Variants in CTNNA3 observed in about 807,000 individuals in gnomAD.
CTNNA3 encodes catenin alpha-3.
Under a neutral mutation model 95.7 loss-of-function variants are expected in CTNNA3, and 76 were observed. That is an observed-to-expected ratio of 0.79 (90% CI 0.66 to 0.96). The LOEUF (loss-of-function observed/expected upper bound fraction) is 0.96, where lower values mean the gene tolerates loss of function less well. CTNNA3 is among the 40% of genes least tolerant of loss of function. CTNNA3 has a pLI of 0.00. For synonymous variants in CTNNA3, 431 were observed against 374.4 expected, an observed-to-expected ratio of 1.15 and a Z score of -1.74; for missense variants, 1,191 against 1,089.8, an observed-to-expected ratio of 1.09 and a Z score of -1.31.
intron 5 of CTNNA3, among the ~76,000 whole-genome samples, chr10:67,458,320 C>T (rs1384274596): frequency 6.6e-6 from 1 of 151,980 alleles, no homozygotes; most frequent in Non-Finnish European, 1.5e-5. Flanking sequence ...TGCTCTATTC[C>T]AATCACTTCA....
At chr10:66,128,585 C>T (rs2082936190) in intron 13 of CTNNA3, among the ~76,000 whole-genome samples, 1 of 152,072 alleles carries the variant, frequency 6.6e-6, no homozygotes, top group South Asian at 2.1e-4. Context: ...AACTATATGA[C>T]ATTCTGGAAG....
At chr10:66,325,546 A>G (rs1304627211) in intron 12 of CTNNA3, among the ~76,000 whole-genome samples, 2 of 152,140 alleles carry the variant, frequency 1.3e-5, no homozygotes, top group Non-Finnish European at 2.9e-5. Context: ...CACCTGGCCA[A>G]CAATGAGCTT....
intron 11 of CTNNA3, among the ~76,000 whole-genome samples, chr10:66,448,592 C>A (rs1374688899): frequency 6.6e-6 from 1 of 151,506 alleles, no homozygotes; most frequent in Non-Finnish European, 1.5e-5. Context: ...AAACCAAACA[C>A]TGCATGTTCT....
chr10:67,613,212 A>C (rs1195911326), intron 2 of CTNNA3, among the ~76,000 whole-genome samples: 1 of 152,146 alleles, frequency 6.6e-6, no homozygotes, highest in South Asian at 2.1e-4. Context: ...CCTTGTTCGT[A>C]GCTCTTGTAT....
chr10:67,392,572 C>T (rs894008592), intron 5 of CTNNA3, among the ~76,000 whole-genome samples: 7 of 152,124 alleles, frequency 4.6e-5, no homozygotes, highest in Admixed American at 6.6e-5. Flanking sequence ...ACCCAAAGGA[C>T]TATAAATCAT....
intron 5 of CTNNA3, among the ~76,000 whole-genome samples, chr10:67,386,559 A>G (rs899343743): frequency 4.6e-5 from 7 of 152,232 alleles, no homozygotes; most frequent in African/African-American, 1.7e-4. Flanking sequence ...ATCAGCAGAA[A>G]AAAAGACTGA....
At chr10:67,341,629 C>T (rs141920303) in intron 5 of CTNNA3, among the ~76,000 whole-genome samples, 330 of 152,216 alleles carry the variant, frequency 2.2e-3, no homozygotes, top group African/African-American at 5.4e-3. Context: ...CAAATTTTGT[C>T]TATTGTGAAC....
intron 9 of CTNNA3, among the ~76,000 whole-genome samples, chr10:66,739,392 C>G (rs1039198354): frequency 6.6e-6 from 1 of 152,168 alleles, no homozygotes; most frequent in South Asian, 2.1e-4. Flanking sequence ...GAATCCCTAA[C>G]TTACAGCAAT....
At chr10:66,482,635 T>A (rs1839578299) in intron 11 of CTNNA3, among the ~76,000 whole-genome samples, 1 of 152,174 alleles carries the variant, frequency 6.6e-6, no homozygotes, top group Admixed American at 6.5e-5. Context: ...ATTGCTTTTT[T>A]TTAAGTAAAT....
intron 10 of CTNNA3, among the ~76,000 whole-genome samples, chr10:66,594,050 T>C (rs1271173606): frequency 6.6e-6 from 1 of 152,106 alleles, no homozygotes; most frequent in Admixed American, 6.5e-5. Flanking sequence ...CACCTGACAC[T>C]TCCATTTGGG....
intron 7 of CTNNA3, among the ~76,000 whole-genome samples, chr10:67,016,229 A>C (rs1852650162): frequency 6.6e-6 from 1 of 152,214 alleles, no homozygotes. Flanking sequence ...CTGACCAAGT[A>C]GTACAATGGG....
chr10:67,599,440 C>G (rs984575055), intron 3 of CTNNA3, among the ~76,000 whole-genome samples: 61 of 151,982 alleles, frequency 4.0e-4, no homozygotes, highest in Non-Finnish European at 2.1e-4. Context: ...CAGTTGTAGT[C>G]AGCAAATAAA....
At chr10:67,495,155 G>A (rs1309270384) in intron 5 of CTNNA3, among the ~76,000 whole-genome samples, 1 of 152,064 alleles carries the variant, frequency 6.6e-6, no homozygotes, top group African/African-American at 2.4e-5. Context: ...ACATGATAAA[G>A]TGCTGTACCC....
rs58656674 is a variant in CTNNA3 at position 67,353,021 on chromosome 10, G to A, written c.580-133151C>T. The stretch of plus-strand genomic sequence containing the variant: ...GAAAACCTAAGTGTCACATCTTTGA[G>A]GGCCAGCACTACGTTTCCAAAATGG... On this transcript the variant is annotated intron_variant, in intron 5 of 17. Coordinates refer to ENST00000433211, the MANE Select transcript of CTNNA3 (RefSeq NM_013266.4). 8.2e-3 allele frequency among the ~76,000 whole-genome samples: 1,246 copies of A among 152,042 alleles called. 13 individuals carry two copies. The highest frequency in any genetic ancestry group is 0.029 in the African/African-American group (1,187 of 41,522).
At chr10:66,089,110 T>C (rs969466033) in intron 14 of CTNNA3, among the ~76,000 whole-genome samples, 2 of 152,054 alleles carry the variant, frequency 1.3e-5, no homozygotes, top group Admixed American at 1.3e-4. Context: ...CCTTTTCTTT[T>C]GTTTTTGGTC....
At chr10:66,217,995 G>C (rs774414635) in intron 13 of CTNNA3, among the ~76,000 whole-genome samples, 1 of 152,020 alleles carries the variant, frequency 6.6e-6, no homozygotes, top group Non-Finnish European at 1.5e-5. Context: ...AGCTTAAACT[G>C]TTTTCAGAGG....
intron 4 of CTNNA3, among the ~76,000 whole-genome samples, chr10:67,525,765 A>G (rs924126068): frequency 6.6e-6 from 1 of 152,232 alleles, no homozygotes; most frequent in Admixed American, 6.5e-5. Flanking sequence ...AAATAACTCT[A>G]GAGCTCCAGC....
intron 9 of CTNNA3, among the ~76,000 whole-genome samples, chr10:66,623,715 T>TA (rs113983012): frequency 0.29 from 43,751 of 151,958 alleles, 6,664 homozygotes; most frequent in Middle Eastern, 0.47. Context: ...TACTAGGTAA[T>TA]AGAGTATATT....
chr10:67,093,257 C>T (rs1252309412), intron 7 of CTNNA3, among the ~76,000 whole-genome samples: 1 of 151,872 alleles, frequency 6.6e-6, no homozygotes, highest in Non-Finnish European at 1.5e-5. Flanking sequence ...CCTATTCCAA[C>T]TAGCTAGTTC....
Sources: allele counts gnomAD v4.1 joint callset (sites outside exome capture counted in the v4.1 genomes callset), GRCh38; gene constraint gnomAD v4.1.1; transcripts MANE v1.5; gene names NCBI Gene and HGNC (gene_info 2026-07-23, HGNC 2026-07-21).